GABRB2: variants seen among roughly 807,000 people sequenced by gnomAD.
The protein encoded by GABRB2 is gamma-aminobutyric acid type A receptor subunit beta2.
GABRB2 carries 16 observed loss-of-function variants against 54.7 expected under a neutral mutation model. The observed-to-expected ratio is 0.29, with a 90% CI of 0.20 to 0.44. The LOEUF (loss-of-function observed/expected upper bound fraction) is 0.44. GABRB2 is among the 20% of genes least tolerant of loss of function. GABRB2 has a pLI of 1.00. For missense variants in GABRB2, 355 were observed against 644.0 expected (o/e 0.55, Z 4.86); for synonymous variants, 244 against 233.8 (o/e 1.04, Z -0.40).
At chr5:161,533,666 A>C (rs908076985) in intron 3 of GABRB2, among the ~76,000 whole-genome samples, 1 of 152,156 alleles carries the variant, frequency 6.6e-6, no homozygotes, top group Non-Finnish European at 1.5e-5. Flanking sequence ...AAACATATTT[A>C]CTAAGACTCC....
chr5:161,438,411 C>T (rs1757370326), intron 4 of GABRB2, among the ~76,000 whole-genome samples: 1 of 152,116 alleles, frequency 6.6e-6, no homozygotes, highest in African/African-American at 2.4e-5. Flanking sequence ...TCTGGAAAGC[C>T]TCCCCAAGAG....
chr5:161,374,140 C>T (rs1223758325), intron 5 of GABRB2, among the ~76,000 whole-genome samples: 5 of 152,026 alleles, frequency 3.3e-5, no homozygotes, highest in African/African-American at 7.2e-5. Flanking sequence ...GACGGGGTTT[C>T]TCCATGTTGG....
At chr5:161,474,824 C>T (rs4304105) in intron 3 of GABRB2, among the ~76,000 whole-genome samples, 23,386 of 151,874 alleles carry the variant, frequency 0.15, 1,870 homozygotes, top group East Asian at 0.2. Flanking sequence ...CATAACTTTA[C>T]GGTATAGTCA....
chr5:161,288,457 C>G lies in GABRB2; in HGVS notation c.*5624G>C, dbSNP rs1757145484. On this transcript the variant is annotated 3_prime_UTR_variant, in exon 10 of 10. Transcript: ENST00000393959. ...AATCTTTTTATTTTTATTTATATTT[C>G]TTAGTTCAAGAATTACACACTAGCC... 1.3e-5 allele frequency: 2 copies of G among 152,518 alleles called. No individual in the cohort carries two copies. The highest frequency in any genetic ancestry group is 6.6e-5 in the Admixed American group (1 of 15,254). The allele number at this position is 152,518 out of a possible 1,614,324, so 9.4% of individuals were successfully genotyped here. A position where few individuals can be genotyped will look rare whatever the true frequency, so the allele number is the denominator to read the frequency against.
intron 5 of GABRB2, among the ~76,000 whole-genome samples, chr5:161,399,406 A>G (rs1756112210): frequency 6.6e-6 from 1 of 152,072 alleles, no homozygotes; most frequent in African/African-American, 2.4e-5. Flanking sequence ...GGGGGACTTG[A>G]ATTCAGGACT....
intron 5 of GABRB2, among the ~76,000 whole-genome samples, chr5:161,393,944 A>G (rs1755915115): frequency 6.6e-6 from 1 of 152,092 alleles, no homozygotes; most frequent in African/African-American, 2.4e-5. Context: ...CAACTGCACA[A>G]TACACATTTT....
intron 3 of GABRB2, among the ~76,000 whole-genome samples, chr5:161,508,685 G>A (rs1043312980): frequency 6.6e-6 from 1 of 152,006 alleles, no homozygotes; most frequent in African/African-American, 2.4e-5. Flanking sequence ...TGGTTTCCAT[G>A]AGGAAGAGAC....
intron 3 of GABRB2, among the ~76,000 whole-genome samples, chr5:161,487,023 A>G (rs1490562677): frequency 6.6e-6 from 1 of 152,014 alleles, no homozygotes; most frequent in Non-Finnish European, 1.5e-5. Flanking sequence ...CAAGTAAATT[A>G]CAAGTTCCTT....
At chr5:161,470,834 T>C (rs1260000513) in intron 3 of GABRB2, among the ~76,000 whole-genome samples, 1 of 152,006 alleles carries the variant, frequency 6.6e-6, no homozygotes, top group Non-Finnish European at 1.5e-5. Context: ...TACCATACTA[T>C]GCTCCCGAAG....
chr5:161,324,157 G>T (rs1758297542), intron 9 of GABRB2, among the ~76,000 whole-genome samples: 1 of 152,088 alleles, frequency 6.6e-6, no homozygotes, highest in Non-Finnish European at 1.5e-5. Flanking sequence ...GATATGAAAA[G>T]TTAACTGGGA....
chr5:161,529,266 T>G (rs1471109106), intron 3 of GABRB2, among the ~76,000 whole-genome samples: 1 of 152,020 alleles, frequency 6.6e-6, no homozygotes, highest in Non-Finnish European at 1.5e-5. Flanking sequence ...AGTACAGATT[T>G]TATTATTTAC....
chr5:161,330,301 A>T (rs1052299502), intron 8 of GABRB2: 1 of 152,150 alleles, frequency 6.6e-6, no homozygotes, highest in Non-Finnish European at 1.5e-5. Context: ...GGAGAAAATT[A>T]TTTGTCTTTT....
At chr5:161,525,081 A>T (rs776523012) in intron 3 of GABRB2, among the ~76,000 whole-genome samples, 4 of 151,344 alleles carry the variant, frequency 2.6e-5, no homozygotes, top group Non-Finnish European at 5.9e-5. Flanking sequence ...TGGACTTTGC[A>T]AGCCATATAG....
chr5:161,336,147 G>A (rs1449479222), intron 6 of GABRB2, among the ~76,000 whole-genome samples: 1 of 152,142 alleles, frequency 6.6e-6, no homozygotes, highest in African/African-American at 2.4e-5. Context: ...ACAGCTTTTA[G>A]CTCACACAGG....
At chr5:161,330,732 C>A in intron 8 of GABRB2, 151 bp downstream of exon 8, 1 of 1,090,470 alleles carries the variant, frequency 9.2e-7, no homozygotes, top group Admixed American at 2.3e-5. Flanking sequence ...AATTGTGCTT[C>A]CATCATTAAT....
At chr5:161,334,711 A>T (rs1561612016) in intron 7 of GABRB2, 41 bp downstream of exon 7, 1 of 1,606,170 alleles carries the variant, frequency 6.2e-7, no homozygotes, top group African/African-American at 1.3e-5. Flanking sequence ...AGAAATGTAC[A>T]CACAGAGTCA....
At chr5:161,294,508 C>T in intron 9 of GABRB2, 80 bp from the exon 10 acceptor site, 1 of 1,215,798 alleles carries the variant, frequency 8.2e-7, no homozygotes, top group Non-Finnish European at 1.2e-6. Flanking sequence ...CTATGATCGG[C>T]ACTTAAGGGA....
At chr5:161,441,312 T>C (rs1394360365) in intron 4 of GABRB2, among the ~76,000 whole-genome samples, 1 of 152,176 alleles carries the variant, frequency 6.6e-6, no homozygotes, top group Non-Finnish European at 1.5e-5. Flanking sequence ...TAGACAATTC[T>C]CAAAAGAAGA....
At chr5:161,463,665 A>C (rs1430849646) in intron 3 of GABRB2, among the ~76,000 whole-genome samples, 1 of 143,922 alleles carries the variant, frequency 6.9e-6, no homozygotes, top group Non-Finnish European at 1.5e-5. Context: ...ACACAATCTG[A>C]TATCAGGACT....
Sources: gnomAD v4.1 joint callset for allele counts (sites outside exome capture counted in the v4.1 genomes callset) on GRCh38, gnomAD v4.1.1 for gene constraint, MANE v1.5 for transcripts, NCBI Gene and HGNC (gene_info 2026-07-23, HGNC 2026-07-21) for gene names.